The following MEGF10 variants were observed in gnomAD, a reference collection of about 807,000 sequenced individuals.
MEGF10 encodes multiple epidermal growth factor-like domains protein 10.
Under a neutral mutation model 147.5 loss-of-function variants are expected in MEGF10, and 86 were observed. The observed-to-expected ratio is 0.58, with a 90% CI of 0.49 to 0.70. The LOEUF (loss-of-function observed/expected upper bound fraction) is 0.70. Ranked by LOEUF, MEGF10 falls within the 30% of genes least tolerant of loss-of-function variation. The pLI is 0.00. For synonymous variants in MEGF10, 478 were observed against 525.5 expected, an observed-to-expected ratio of 0.91 and a Z score of 1.24; for missense variants, 1,329 against 1,487.3, an observed-to-expected ratio of 0.89 and a Z score of 1.75.
the MEGF10 span, among the ~76,000 whole-genome samples, chr5:127,255,867 T>C: frequency 6.6e-6 from 1 of 152,214 alleles, no homozygotes; most frequent in Non-Finnish European, 1.5e-5. Flanking sequence ...ATTTGTTGGA[T>C]TCTATGTCTT....
chr5:127,437,614 G>A (rs772515863), intron 16 of MEGF10, among the ~76,000 whole-genome samples: 12 of 152,098 alleles, frequency 7.9e-5, no homozygotes, highest in Non-Finnish European at 1.5e-4. Flanking sequence ...TTTACCCCCT[G>A]ATCTTATGCT....
At chr5:127,369,832 T>C in intron 4 of MEGF10, 78 bp from the exon 5 acceptor site, 2 of 1,109,038 alleles carry the variant, frequency 1.8e-6, no homozygotes, top group Non-Finnish European at 2.7e-6. Context: ...ACTTGAGACT[T>C]GGATGTGCAA....
upstream of MEGF10, among the ~76,000 whole-genome samples, chr5:127,285,869 AT>A (rs1759013078): frequency 6.6e-6 from 1 of 152,162 alleles, no homozygotes. Flanking sequence ...CCCCATGCTT[AT>A]TGCAGCACTA....
intron 3 of MEGF10, 69 bp from the exon 4 acceptor site, chr5:127,340,461 A>C (rs573861512): frequency 1.7e-6 from 2 of 1,162,676 alleles, no homozygotes; most frequent in East Asian, 2.4e-5. Flanking sequence ...ATTTCTTCAT[A>C]ACTAGTTTGA....
At chr5:127,391,086 ATGCGCGCGCGCGCGCG>A (rs1332707061) in intron 5 of MEGF10, among the ~76,000 whole-genome samples, 7 of 73,192 alleles carry the variant, frequency 9.6e-5, no homozygotes, top group East Asian at 3.0e-4. Context: ...ACATACACAC[ATGCGCGCGCGCGCGCG>A]CACACACACA....
intron 2 of MEGF10, among the ~76,000 whole-genome samples, 169 bp downstream of exon 2, chr5:127,331,593 T>G (rs2126784632): frequency 6.6e-6 from 1 of 152,320 alleles, no homozygotes; most frequent in Non-Finnish European, 1.5e-5. Flanking sequence ...GTCACCTTGG[T>G]CTTATAGCAT....
At chr5:127,324,082 G>A (rs936583413) in intron 1 of MEGF10, among the ~76,000 whole-genome samples, 1 of 152,124 alleles carries the variant, frequency 6.6e-6, no homozygotes, top group African/African-American at 2.4e-5. Context: ...ACACAGGCAG[G>A]GATCATTGGA....
chr5:127,386,551 A>G (rs1763442898), intron 5 of MEGF10, among the ~76,000 whole-genome samples: 1 of 152,214 alleles, frequency 6.6e-6, no homozygotes, highest in Admixed American at 6.5e-5. Flanking sequence ...AATGAAAAAG[A>G]CTAAATGTAA....
At chr5:127,425,174 G>A (rs2860028) in intron 13 of MEGF10, among the ~76,000 whole-genome samples, 3,796 of 152,296 alleles carry the variant, frequency 0.025, 48 homozygotes, top group East Asian at 0.045. Context: ...GAAGCCAGCC[G>A]GAAAATGTGT....
chr5:127,298,718 A>G (rs557555276), intron 1 of MEGF10, among the ~76,000 whole-genome samples: 1 of 152,270 alleles, frequency 6.6e-6, no homozygotes, highest in South Asian at 2.1e-4. Flanking sequence ...GTCACAGAGA[A>G]TAGCTGGTCT....
chr5:127,248,715 T>C, the MEGF10 span, among the ~76,000 whole-genome samples: 1 of 151,784 alleles, frequency 6.6e-6, no homozygotes, highest in South Asian at 2.1e-4. Context: ...CCTCAGAATC[T>C]TGTGGGATAA....
At chr5:127,442,352 A>G (rs1580875968) in intron 18 of MEGF10, among the ~76,000 whole-genome samples, 1 of 152,206 alleles carries the variant, frequency 6.6e-6, no homozygotes, top group Non-Finnish European at 1.5e-5. Flanking sequence ...TAGATTTAAC[A>G]TGCTTACACT....
intron 14 of MEGF10, 43 bp downstream of exon 14, chr5:127,433,552 G>T: frequency 6.4e-7 from 1 of 1,554,574 alleles, no homozygotes. Flanking sequence ...TCCCTTCCCT[G>T]GGCACCATGT....
intron 19 of MEGF10, chr5:127,444,467 A>G (rs1406495925): frequency 6.6e-6 from 1 of 152,250 alleles, no homozygotes; most frequent in Non-Finnish European, 1.5e-5. Context: ...TTCAGCATTT[A>G]GAATCATAAA....
intron 20 of MEGF10, among the ~76,000 whole-genome samples, chr5:127,447,178 A>G (rs1300741315): frequency 1.3e-5 from 2 of 151,738 alleles, no homozygotes; most frequent in Non-Finnish European, 2.9e-5. Context: ...TTATTTATTT[A>G]TTTGTTTTTT....
chr5:127,337,786 A>G (rs1281256372), intron 2 of MEGF10, among the ~76,000 whole-genome samples: 1 of 152,092 alleles, frequency 6.6e-6, no homozygotes, highest in Non-Finnish European at 1.5e-5. Flanking sequence ...CGTGATCATG[A>G]GGACCCAGGG....
the MEGF10 span, among the ~76,000 whole-genome samples, chr5:127,246,929 AATATATGATTATATTATATATAAT>A: frequency 7.5e-6 from 1 of 132,658 alleles, no homozygotes; most frequent in African/African-American, 2.9e-5. Flanking sequence ...ATTATACAAT[AATATATGATTATATTATATATAAT>A]AAATAATATA....
At chr5:127,452,708 G>A (rs1024200336) in intron 22 of MEGF10, among the ~76,000 whole-genome samples, 5 of 152,136 alleles carry the variant, frequency 3.3e-5, no homozygotes, top group East Asian at 1.9e-4. Flanking sequence ...TACACTATCC[G>A]GTGTATCCCT....
chr5:127,339,072 A>T (rs1189317093), intron 2 of MEGF10, 48 bp from the exon 3 acceptor site: 3 of 1,278,258 alleles, frequency 2.3e-6, no homozygotes, highest in Non-Finnish European at 3.3e-6. Flanking sequence ...TATATTATTA[A>T]TTTAAAAAAG....
Sources: allele counts gnomAD v4.1 joint callset (sites outside exome capture counted in the v4.1 genomes callset), GRCh38; gene constraint gnomAD v4.1.1; transcripts MANE v1.5; gene names NCBI Gene and HGNC (gene_info 2026-07-23, HGNC 2026-07-21).